The following GRIK4 variants were observed in gnomAD, a reference collection of about 807,000 sequenced individuals.
GRIK4 encodes glutamate receptor ionotropic, kainate 4.
In GRIK4, 40 loss-of-function variants were observed where a neutral mutation model predicts 104.9. The ratio of observed to expected loss-of-function variants is 0.38; its 90% CI spans 0.30 to 0.50. The LOEUF is 0.50. Ranked by LOEUF, GRIK4 falls within the 20% of genes least tolerant of loss-of-function variation. The pLI is 0.93. For synonymous variants in GRIK4, 485 were observed against 524.9 expected (o/e 0.92, Z 1.04); for missense variants, 1,047 against 1,308.1 (o/e 0.80, Z 3.08).
At chr11:120,911,427 C>T (rs1263222014) in intron 13 of GRIK4, among the ~76,000 whole-genome samples, 33 of 148,628 alleles carry the variant, frequency 2.2e-4, no homozygotes, top group African/African-American at 7.3e-4. Flanking sequence ...TTAGTAGAGA[C>T]GGGGTTTCAC....
chr11:120,594,933 G>A (rs1388049818), intron 1 of GRIK4, among the ~76,000 whole-genome samples: 3 of 152,192 alleles, frequency 2.0e-5, no homozygotes, highest in Admixed American at 6.5e-5. Flanking sequence ...AGGGGTGTCG[G>A]AGGGTGAGGA....
chr11:120,590,091 C>G, intron 1 of GRIK4, among the ~76,000 whole-genome samples: 1 of 152,314 alleles, frequency 6.6e-6, no homozygotes, highest in Admixed American at 6.5e-5. Context: ...TGTTTCAATG[C>G]GTTTTTCATC....
At chr11:120,674,808 T>C (rs924122931) in intron 3 of GRIK4, among the ~76,000 whole-genome samples, 11 of 152,202 alleles carry the variant, frequency 7.2e-5, no homozygotes, top group African/African-American at 2.4e-4. Flanking sequence ...GAATCTCTGT[T>C]ATGGAGCTGC....
chr11:120,948,650 C>T (rs1259849861), intron 14 of GRIK4, among the ~76,000 whole-genome samples: 1 of 152,222 alleles, frequency 6.6e-6, no homozygotes, highest in Non-Finnish European at 1.5e-5. Context: ...AGCCAGATAG[C>T]ATTCTTCCCC....
intron 14 of GRIK4, among the ~76,000 whole-genome samples, chr11:120,943,853 A>C (rs2134656762): frequency 6.6e-6 from 1 of 152,332 alleles, no homozygotes; most frequent in Middle Eastern, 3.4e-3. Flanking sequence ...CCAAAATAAT[A>C]AGTAGTGGCA....
rs754792774 is a variant in GRIK4 at position 120,952,866 on chromosome 11, C to T, written c.1602C>T (p.Pro534=). 39 of 1,612,214 alleles carry T rather than the reference C, an allele frequency of 2.4e-5. No homozygotes were observed. Among genetic ancestry groups the T allele is most frequent in the Admixed American group, 6.7e-5 (4 of 60,000 alleles). ...CTCTCCATTTCCAGGGACGCAAACC[C>T]GGCTATTTCTCCTTCCTGGACCCAT... ...ILYRVHMGRK[P]GYFSFLDPFS... The change falls in exon 15 of 21, where the codon CCC becomes CCT. Residue 534 remains proline, a synonymous_variant. Transcript: ENST00000527524. The surrounding 1 kb of genome is among the most constrained non-coding windows in gnomAD (Gnocchi z 5.2).
chr11:120,920,112 G>A (rs185274587), intron 13 of GRIK4, among the ~76,000 whole-genome samples: 6 of 152,204 alleles, frequency 3.9e-5, no homozygotes, highest in Admixed American at 6.5e-5. Context: ...GGTACAAATC[G>A]CTGCTCTGCC....
chr11:120,520,346 A>G (rs1350349402), intron 1 of GRIK4, among the ~76,000 whole-genome samples: 2 of 152,086 alleles, frequency 1.3e-5, no homozygotes, highest in Non-Finnish European at 2.9e-5. Flanking sequence ...TGCGTTTTGG[A>G]ACTCTCCTTC....
intron 3 of GRIK4, among the ~76,000 whole-genome samples, chr11:120,668,082 CATAGATGGATAG>C (rs1209296471): frequency 1.3e-5 from 2 of 148,740 alleles, no homozygotes; most frequent in Admixed American, 6.7e-5. Flanking sequence ...GACCCTGTCT[CATAGATGGATAG>C]ATAGATGGAT....
chr11:120,660,486 G>T (rs1273093646), intron 3 of GRIK4, 86 bp downstream of exon 3: 10 of 1,038,132 alleles, frequency 9.6e-6, no homozygotes, highest in Non-Finnish European at 1.5e-5. Context: ...CAGGACTTGG[G>T]GAAGCTGCCC....
At position 120,649,324 on chromosome 11, in the gene GRIK4, G is replaced by T. The variant is rs115038888; in HGVS notation, c.-158-4361G>T. Among the ~76,000 whole-genome samples, 1,134 of 152,194 alleles carry T rather than the reference G, an allele frequency of 7.5e-3. 15 individuals are homozygous for T. Among genetic ancestry groups the T allele is most frequent in the African/African-American group, 0.026 (1,075 of 41,504 alleles). The stretch of plus-strand genomic sequence containing the variant: ...GACTGAAGAAAAAAAAAAAGATAGG[G>T]CCTACTTTCTGACGATGGTGGATAA... On this transcript the variant is annotated intron_variant, in intron 1 of 20. Transcript: ENST00000527524.
At chr11:120,879,285 A>G (rs1411763998) in intron 11 of GRIK4, among the ~76,000 whole-genome samples, 1 of 152,174 alleles carries the variant, frequency 6.6e-6, no homozygotes, top group Non-Finnish European at 1.5e-5. Flanking sequence ...CCTGCTGCAA[A>G]CCAGGACAGT....
At chr11:120,856,412 A>G (rs1227848356) in intron 8 of GRIK4, among the ~76,000 whole-genome samples, 1 of 152,170 alleles carries the variant, frequency 6.6e-6, no homozygotes, top group African/African-American at 2.4e-5. Flanking sequence ...GTATCCTAAG[A>G]TCAGAGGCAC....
intron 3 of GRIK4, among the ~76,000 whole-genome samples, chr11:120,726,854 C>T (rs1951035093): frequency 6.6e-6 from 1 of 152,020 alleles, no homozygotes; most frequent in Admixed American, 6.6e-5. Flanking sequence ...CAAATCCCCA[C>T]ATAAGACAGA....
chr11:120,957,591 A>ATTGTGTGTGTGTGTGTG (rs553062830), intron 16 of GRIK4, among the ~76,000 whole-genome samples: 1,396 of 136,510 alleles, frequency 0.01, 11 homozygotes, highest in Non-Finnish European at 0.016. Flanking sequence ...GACAAAACAA[A>ATTGTGTGTGTGTGTGTG]TGTGTGTGTG....
chr11:120,647,041 C>G (rs1390644013), intron 1 of GRIK4, among the ~76,000 whole-genome samples: 1 of 152,130 alleles, frequency 6.6e-6, no homozygotes, highest in South Asian at 2.1e-4. Context: ...AGTCCAGACC[C>G]TTTACTACAA....
intron 3 of GRIK4, among the ~76,000 whole-genome samples, chr11:120,710,634 A>G (rs556045871): frequency 6.6e-6 from 1 of 152,230 alleles, no homozygotes; most frequent in Non-Finnish European, 1.5e-5. Context: ...TTTTCTGTGC[A>G]GGGGTCAAAG....
chr11:120,746,555 G>A (rs1034705799), intron 3 of GRIK4, among the ~76,000 whole-genome samples: 3 of 152,176 alleles, frequency 2.0e-5, no homozygotes, highest in Non-Finnish European at 4.4e-5. Context: ...CAGGGTCAAC[G>A]AATGTGGAGT....
Position 120,704,238 on chromosome 11 carries a change from C to T in GRIK4, c.82+43838C>T, listed in dbSNP as rs1029481997. ...TACTTTTCTTATGATGATATATATG[C>T]GGTTTATTCTTCACTAGACTGTGGT... On this transcript the variant is annotated intron_variant, in intron 3 of 20. Coordinates refer to ENST00000527524, the MANE Select transcript of GRIK4 (RefSeq NM_014619.5). 1.5e-4 allele frequency among the ~76,000 whole-genome samples: 23 copies of T among 152,230 alleles called. 1 individual carries two copies. The highest frequency in any genetic ancestry group is 6.8e-3 in the Middle Eastern group (2 of 294).
Sources: allele counts gnomAD v4.1 joint callset (sites outside exome capture counted in the v4.1 genomes callset), GRCh38; gene constraint gnomAD v4.1.1; non-coding constraint Gnocchi (gnomAD v3.1); transcripts MANE v1.5; gene names NCBI Gene and HGNC (gene_info 2026-07-23, HGNC 2026-07-21).